Variants in SYT9 observed in about 807,000 individuals in gnomAD.
The protein encoded by SYT9 is synaptotagmin-9.
Under a neutral mutation model 48.4 loss-of-function variants are expected in SYT9, and 22 were observed. The ratio of observed to expected loss-of-function variants is 0.45; its 90% CI spans 0.32 to 0.65. The LOEUF (loss-of-function observed/expected upper bound fraction) is 0.65, where lower values mean the gene tolerates loss of function less well. SYT9 is among the 30% of genes least tolerant of loss of function. SYT9 has a pLI of 0.03. For missense variants in SYT9, 577 were observed against 622.0 expected, an observed-to-expected ratio of 0.93 and a Z score of 0.77; for synonymous variants, 265 against 245.0, an observed-to-expected ratio of 1.08 and a Z score of -0.76.
chr11:7,385,760 A>G (rs1425514817), intron 3 of SYT9, among the ~76,000 whole-genome samples: 3 of 152,126 alleles, frequency 2.0e-5, no homozygotes, highest in Non-Finnish European at 4.4e-5. Context: ...ATGCTACACT[A>G]GTCCAGTCCA....
chr11:7,436,491 G>T (rs1038160756), intron 6 of SYT9, among the ~76,000 whole-genome samples: 1 of 152,190 alleles, frequency 6.6e-6, no homozygotes, highest in Non-Finnish European at 1.5e-5. Context: ...GCTCCTATAT[G>T]TTTCTAGATT....
upstream of SYT9, among the ~76,000 whole-genome samples, chr11:7,251,123 CACACACACA>C (rs766996178): frequency 5.3e-5 from 8 of 150,302 alleles, no homozygotes; most frequent in African/African-American, 1.0e-4. Flanking sequence ...CACACACACA[CACACACACA>C]CCCAGAGTAC....
intron 3 of SYT9, among the ~76,000 whole-genome samples, chr11:7,376,556 C>A (rs1277757195): frequency 6.6e-6 from 1 of 152,072 alleles, no homozygotes; most frequent in Non-Finnish European, 1.5e-5. Context: ...CAGGGCTACT[C>A]TGGTGCCCTA....
At chr11:7,283,864 T>C (rs1433706183) in intron 1 of SYT9, among the ~76,000 whole-genome samples, 3 of 152,168 alleles carry the variant, frequency 2.0e-5, no homozygotes, top group Non-Finnish European at 4.4e-5. Context: ...TATTACAATA[T>C]TGTAATTTTG....
At chr11:7,443,718 T>C (rs1248038999) in intron 6 of SYT9, among the ~76,000 whole-genome samples, 1 of 152,266 alleles carries the variant, frequency 6.6e-6, no homozygotes, top group Non-Finnish European at 1.5e-5. Flanking sequence ...AAGTGAAGGA[T>C]AATTCAAGAG....
At chr11:7,454,923 G>C (rs974636080) in intron 6 of SYT9, among the ~76,000 whole-genome samples, 1 of 152,214 alleles carries the variant, frequency 6.6e-6, no homozygotes, top group African/African-American at 2.4e-5. Context: ...TAACAGCATG[G>C]CTGAGAGATA....
At chr11:7,409,734 G>A (rs908742998) in intron 3 of SYT9, among the ~76,000 whole-genome samples, 5 of 151,580 alleles carry the variant, frequency 3.3e-5, no homozygotes, top group Admixed American at 2.6e-4. Flanking sequence ...TTCATTTCTT[G>A]TTTTGTATTC....
chr11:7,405,220 A>G (rs376701623), intron 3 of SYT9, among the ~76,000 whole-genome samples: 5 of 152,062 alleles, frequency 3.3e-5, no homozygotes, highest in Admixed American at 2.0e-4. Context: ...CCTTAGCACT[A>G]TTGACCTTTT....
chr11:7,366,512 A>G (rs1427224233), intron 3 of SYT9, among the ~76,000 whole-genome samples: 2 of 152,208 alleles, frequency 1.3e-5, no homozygotes, highest in African/African-American at 4.8e-5. Context: ...CACATCTATT[A>G]TAGACATCCA....
chr11:7,262,834 A>G (rs1848104828), intron 1 of SYT9, among the ~76,000 whole-genome samples: 1 of 152,146 alleles, frequency 6.6e-6, no homozygotes, highest in Non-Finnish European at 1.5e-5. Context: ...GGCAGTAAAG[A>G]CAGAATAGTC....
In SYT9 at chr11:7,468,057, T is replaced by TA. The variant is rs1284024605; in HGVS notation, c.*1259dup. The stretch of plus-strand genomic sequence containing the variant: ...CCTGGGAGGACTGGGGGCTGTTACC[T>TA]AATGGTCCTCTCTGTCCCATTATAG... On this transcript the variant is annotated 3_prime_UTR_variant, in exon 7 of 7. Coordinates refer to ENST00000318881, the MANE Select transcript of SYT9 (RefSeq NM_175733.4). 2 of 385,058 alleles carry TA rather than the reference T, an allele frequency of 5.2e-6. No homozygotes were observed. Among genetic ancestry groups the TA allele is most frequent in the African/African-American group, 2.1e-5 (1 of 48,282 alleles). The allele number at this position is 385,058 out of a possible 1,614,324, so 23.9% of individuals were successfully genotyped here.
intron 1 of SYT9, among the ~76,000 whole-genome samples, chr11:7,266,452 C>G (rs1265334015): frequency 6.6e-6 from 1 of 151,980 alleles, no homozygotes; most frequent in African/African-American, 2.4e-5. Context: ...GATTCTAACT[C>G]CACACTGCTT....
intron 1 of SYT9, among the ~76,000 whole-genome samples, chr11:7,240,622 G>T (rs1847730892): frequency 6.6e-6 from 1 of 152,100 alleles, no homozygotes; most frequent in South Asian, 2.1e-4. Context: ...TATCCTTAAA[G>T]AAATTCACAA....
At chr11:7,388,858 A>G (rs1196695081) in intron 3 of SYT9, among the ~76,000 whole-genome samples, 4 of 152,172 alleles carry the variant, frequency 2.6e-5, no homozygotes, top group Non-Finnish European at 4.4e-5. Context: ...CCTACTGTTA[A>G]CTAACCTCCT....
chr11:7,446,448 T>G (rs1847931488), intron 6 of SYT9, among the ~76,000 whole-genome samples: 1 of 152,204 alleles, frequency 6.6e-6, no homozygotes, highest in Admixed American at 6.5e-5. Context: ...CCAGAAACAC[T>G]GATTCTCCTG....
intron 3 of SYT9, among the ~76,000 whole-genome samples, chr11:7,396,203 A>G (rs1443702596): frequency 6.6e-6 from 1 of 152,124 alleles, no homozygotes; most frequent in African/African-American, 2.4e-5. Flanking sequence ...ATCTTCAAAG[A>G]TTATGCCCTC....
intron 3 of SYT9, among the ~76,000 whole-genome samples, chr11:7,382,055 C>G (rs1850575343): frequency 6.6e-6 from 1 of 152,208 alleles, no homozygotes; most frequent in African/African-American, 2.4e-5. Context: ...TCAGCCCAGA[C>G]TGGGAAGCCC....
intron 1 of SYT9, among the ~76,000 whole-genome samples, chr11:7,299,238 T>C (rs1848869483): frequency 6.6e-6 from 1 of 152,146 alleles, no homozygotes; most frequent in Non-Finnish European, 1.5e-5. Flanking sequence ...TCCCTCTCCA[T>C]TTTTGGAGGT....
At chr11:7,293,886 T>G (rs1848738840) in intron 1 of SYT9, among the ~76,000 whole-genome samples, 1 of 152,202 alleles carries the variant, frequency 6.6e-6, no homozygotes, top group Non-Finnish European at 1.5e-5. Flanking sequence ...CCATGACAGA[T>G]GACCTGGGTT....
Sources: allele counts gnomAD v4.1 joint callset (sites outside exome capture counted in the v4.1 genomes callset), GRCh38; gene constraint gnomAD v4.1.1; transcripts MANE v1.5; gene names NCBI Gene and HGNC (gene_info 2026-07-23, HGNC 2026-07-21).